Variants in HACD4 observed in about 807,000 individuals in gnomAD.
HACD4 encodes the protein 3-hydroxyacyl-CoA dehydratase 4, also known as very-long-chain (3R)-3-hydroxyacyl-CoA dehydratase 4.
In HACD4, 35 loss-of-function variants were observed where a neutral mutation model predicts 33.3. That is an observed-to-expected ratio of 1.05 (90% confidence interval 0.80 to 1.39). HACD4 has a LOEUF of 1.39. HACD4 is among the 40% of genes most tolerant of loss of function. The probability of loss-of-function intolerance (pLI) is 0.00; values close to 1 mark genes in which losing one functional copy is unlikely to be tolerated. For missense variants in HACD4, 323 were observed against 276.5 expected, an observed-to-expected ratio of 1.17 and a Z score of -1.19; for synonymous variants, 118 against 98.0, an observed-to-expected ratio of 1.20 and a Z score of -1.21.
chr9:21,020,973 A>C (rs1276848423), intron 3 of HACD4, among the ~76,000 whole-genome samples: 1 of 152,222 alleles, frequency 6.6e-6, no homozygotes. Context: ...CATGTAAAAC[A>C]TTTAAAAATG....
chr9:21,000,486 T>A lies in HACD4; in HGVS notation c.*6551A>T, dbSNP rs1842150944. On this transcript the variant is annotated 3_prime_UTR_variant, in exon 7 of 7. Coordinates refer to ENST00000495827, the MANE Select transcript of HACD4 (RefSeq NM_001010915.5). ...CTATCAAAAGGTAGGATCCTGAGCT[T>A]ATTCCCAGAGCTTCTGATTCAACTA... 1 of 152,150 alleles carries A rather than the reference T, an allele frequency of 6.6e-6. No individual in the cohort carries two copies. The highest frequency in any genetic ancestry group is 1.5e-5 in the Non-Finnish European group (1 of 68,012). 9.4% of individuals were successfully genotyped at this position (152,150 alleles called of 1,614,324 possible).
chr9:21,010,624 G>A (rs67094609), intron 5 of HACD4, among the ~76,000 whole-genome samples: 33,323 of 151,960 alleles, frequency 0.22, 4,378 homozygotes, highest in African/African-American at 0.37. Flanking sequence ...CAGACCAGAG[G>A]AAGAAGGATG....
Position 21,006,382 on chromosome 9 carries a change from T to A in HACD4, c.*655A>T, listed in dbSNP as rs1434326204. The A allele has an allele frequency of 6.5e-6, 1 of 152,918 alleles. No homozygotes were observed. Among genetic ancestry groups the A allele is most frequent in the Admixed American group, 6.5e-5 (1 of 15,284 alleles). The allele number at this position is 152,918 out of a possible 1,614,324, so 9.5% of individuals were successfully genotyped here. A position where few individuals can be genotyped will look rare whatever the true frequency, so the allele number is the denominator to read the frequency against. On this transcript the variant is annotated 3_prime_UTR_variant, in exon 7 of 7. Transcript: ENST00000495827. The surrounding 1 kb of genome is among the most constrained non-coding windows in gnomAD (Gnocchi z 4.6). ...GGCCCTCACCAGAAACTGCATTAGC[T>A]GATGCCTTGATCCTGAGCGGAATTC...
intron 5 of HACD4, among the ~76,000 whole-genome samples, chr9:21,009,453 A>G (rs568745617): frequency 1.3e-5 from 2 of 152,316 alleles, no homozygotes; most frequent in East Asian, 3.9e-4. Context: ...CAAGAATGCA[A>G]AAGTTTCCTA....
intron 5 of HACD4, among the ~76,000 whole-genome samples, chr9:21,010,462 C>A (rs1000715939): frequency 7.9e-6 from 1 of 127,292 alleles, no homozygotes; most frequent in Non-Finnish European, 1.7e-5. Flanking sequence ...TGGTACCCCC[C>A]CCCCCCCCAG....
At chr9:21,016,781 G>GA (rs1842565634) in intron 3 of HACD4, among the ~76,000 whole-genome samples, 1 of 90,924 alleles carries the variant, frequency 1.1e-5, no homozygotes, top group Admixed American at 1.0e-4. Flanking sequence ...GAAACTTGTA[G>GA]CTTTTTTTTT....
intron 4 of HACD4, chr9:21,015,161 C>T (rs1842526745): frequency 6.6e-6 from 1 of 152,154 alleles, no homozygotes; most frequent in African/African-American, 2.4e-5. Context: ...TATTTTAATT[C>T]AGTTAAGTTA....
At chr9:21,014,936 A>T (rs1437801340) in intron 4 of HACD4, among the ~76,000 whole-genome samples, 4 of 152,172 alleles carry the variant, frequency 2.6e-5, no homozygotes. Flanking sequence ...CATAGCCAAG[A>T]GTAACATACT....
Position 21,008,016 on chromosome 9 carries a change from C to T in HACD4, c.616+5G>A, listed in dbSNP as rs1431006623. 1 of 1,579,058 alleles carries T rather than the reference C, an allele frequency of 6.3e-7. No homozygotes were observed. The highest frequency in any genetic ancestry group is 1.4e-5 in the African/African-American group (1 of 72,336). ...TGCAAAAACAAGACCAAAAAAGCCA[C>T]TTACCTATAAAGAGCATCATGAGAT... On this transcript the variant is annotated splice_donor_5th_base_variant and intron_variant, in intron 6 of 6. Transcript: ENST00000495827.
chr9:21,006,739 T>C lies in HACD4; in HGVS notation c.*298A>G. The C allele has an allele frequency of 3.2e-6, 1 of 307,712 alleles. No homozygotes were observed. 19.1% of individuals were successfully genotyped at this position (307,712 alleles called of 1,614,324 possible). On this transcript the variant is annotated 3_prime_UTR_variant, in exon 7 of 7. Coordinates refer to ENST00000495827, the MANE Select transcript of HACD4 (RefSeq NM_001010915.5). This position sits in a 1 kb window ranked among gnomAD's most constrained non-coding sequence, Gnocchi z 4.6. ...TCTATTGCAGCTAATCTCCTATTTC[T>C]CATTAAACTTACAGGAAAATAATCA... is the stretch of plus-strand genomic sequence containing the variant.
chr9:21,022,921 A>T (rs1350021010), intron 3 of HACD4, among the ~76,000 whole-genome samples: 1 of 152,044 alleles, frequency 6.6e-6, no homozygotes, highest in Non-Finnish European at 1.5e-5. Context: ...ATGCACACGT[A>T]TGTTTATTGC....
rs1317680867 is a variant in HACD4 at position 21,031,619 on chromosome 9, G to A, written c.-29C>T. 5 of 1,382,632 alleles carry A rather than the reference G, an allele frequency of 3.6e-6. No homozygotes were observed. Among genetic ancestry groups the A allele is most frequent in the Admixed American group, 3.5e-5 (1 of 28,436 alleles). 85.6% of individuals were successfully genotyped at this position (1,382,632 alleles called of 1,614,324 possible). A position where few individuals can be genotyped will look rare whatever the true frequency, so the allele number is the denominator to read the frequency against. On this transcript the variant is annotated 5_prime_UTR_variant, in exon 1 of 7. Coordinates refer to ENST00000495827, the MANE Select transcript of HACD4 (RefSeq NM_001010915.5). ...CCGCCGCCGCCAGGGCTTCCAGCGC[G>A]GTCCAGGAAGGAGTACCGGGGAGGA...
chr9:21,011,807 A>G (rs1179207971), intron 4 of HACD4, 112 bp from the exon 5 acceptor site: 2 of 602,960 alleles, frequency 3.3e-6, no homozygotes, highest in Admixed American at 3.3e-5. Context: ...TACAAATTGT[A>G]TATTTTATTT....
Position 21,031,632 on chromosome 9 carries a change from G to A in HACD4, c.-42C>T. 1 of 1,351,970 alleles carries A rather than the reference G, an allele frequency of 7.4e-7. No individual in the cohort carries two copies. Among genetic ancestry groups the A allele is most frequent in the South Asian group, 1.8e-5 (1 of 55,568 alleles). The allele number at this position is 1,351,970 out of a possible 1,614,324, so 83.7% of individuals were successfully genotyped here. On this transcript the variant is annotated 5_prime_UTR_variant, in exon 1 of 7. Transcript: ENST00000495827. ...GGCTTCCAGCGCGGTCCAGGAAGGA[G>A]TACCGGGGAGGAGGCAGGGGCGGCC...
chr9:21,007,014 G>T lies in HACD4; in HGVS notation c.*23C>A. The T allele has an allele frequency of 3.8e-6, 5 of 1,319,502 alleles. 1 individual carries two copies. The highest frequency in any genetic ancestry group is 2.4e-5 in the South Asian group (2 of 85,094). The allele number at this position is 1,319,502 out of a possible 1,614,324, so 81.7% of individuals were successfully genotyped here. A position where few individuals can be genotyped will look rare whatever the true frequency, so the allele number is the denominator to read the frequency against. On this transcript the variant is annotated 3_prime_UTR_variant, in exon 7 of 7. Transcript: ENST00000495827. ...CTGAATCCACAGCCTGTCTTTTCTC[G>T]TGTCACACTGGAATGCTGTACTTCA...
chr9:21,012,755 T>C (rs1842466475), intron 4 of HACD4, among the ~76,000 whole-genome samples: 1 of 152,166 alleles, frequency 6.6e-6, no homozygotes, highest in African/African-American at 2.4e-5. Context: ...TGGGTAAGCA[T>C]GTTTTCATGT....
chr9:21,016,469 A>G (rs1842558180), intron 3 of HACD4, among the ~76,000 whole-genome samples: 1 of 152,218 alleles, frequency 6.6e-6, no homozygotes, highest in South Asian at 2.1e-4. Context: ...GAAAGAATGC[A>G]AAGAGATTAA....
Position 21,004,028 on chromosome 9 carries a change from TAG to T in HACD4, c.*3007_*3008del, listed in dbSNP as rs1842211550. On this transcript the variant is annotated 3_prime_UTR_variant, in exon 7 of 7. Transcript: ENST00000495827. The surrounding 1 kb of genome is among the most constrained non-coding windows in gnomAD (Gnocchi z 4.6). ...TTCATTAGGGTCTTCTCTTTTGAGA[TAG>T]AGTCTCACTCTGTCACCCAGGCTGG... is the stretch of plus-strand genomic sequence containing the variant. 6.6e-6 allele frequency: 1 copy of T among 152,206 alleles called. No individual in the cohort carries two copies. The highest frequency in any genetic ancestry group is 2.4e-5 in the African/African-American group (1 of 41,456). 9.4% of individuals were successfully genotyped at this position (152,206 alleles called of 1,614,324 possible).
At chr9:21,029,586 A>T (rs1818154553) in intron 1 of HACD4, among the ~76,000 whole-genome samples, 188 bp from the exon 2 acceptor site, 1 of 152,234 alleles carries the variant, frequency 6.6e-6, no homozygotes, top group African/African-American at 2.4e-5. Context: ...ACTACCCGCT[A>T]AAGTAAATAC....
Sources: allele counts gnomAD v4.1 joint callset (sites outside exome capture counted in the v4.1 genomes callset), GRCh38; gene constraint gnomAD v4.1.1; non-coding constraint Gnocchi (gnomAD v3.1); transcripts MANE v1.5; gene names NCBI Gene and HGNC (gene_info 2026-07-23, HGNC 2026-07-21).